RBMS2: variants seen among roughly 807,000 people sequenced by gnomAD.
RBMS2 encodes RNA-binding motif, single-stranded-interacting protein 2.
In RBMS2, 38 loss-of-function variants were observed where a neutral mutation model predicts 58.4. The observed-to-expected ratio is 0.65, with a 90% CI of 0.50 to 0.85. The LOEUF (loss-of-function observed/expected upper bound fraction) is 0.85. Among genes scored for constraint, RBMS2 ranks in the 40% least tolerant of loss-of-function variants. RBMS2 has a pLI of 0.00. For missense variants in RBMS2, 367 were observed against 503.7 expected (o/e 0.73, Z 2.60); for synonymous variants, 151 against 180.7 (o/e 0.84, Z 1.32).
chr12:56,564,764 A>G (rs1409569836), intron 2 of RBMS2, among the ~76,000 whole-genome samples: 1 of 152,314 alleles, frequency 6.6e-6, no homozygotes, highest in African/African-American at 2.4e-5. Context: ...ACCTGAGGTC[A>G]GGAGTTGGAG....
chr12:56,568,533 TTTTTTC>T (rs1881747710), intron 2 of RBMS2, among the ~76,000 whole-genome samples: 2 of 151,252 alleles, frequency 1.3e-5, no homozygotes, highest in South Asian at 4.2e-4. Flanking sequence ...CCCATTTCTT[TTTTTTC>T]TTTTTTTTTT....
At chr12:56,573,304 C>A in intron 5 of RBMS2, 1 of 467,564 alleles carries the variant, frequency 2.1e-6, no homozygotes, top group Non-Finnish European at 2.8e-6. Flanking sequence ...TGGTGAAACC[C>A]CGTCTCTACT....
At chr12:56,576,000 AATAGTT>A (rs1353085949) in intron 5 of RBMS2, among the ~76,000 whole-genome samples, 1 of 152,144 alleles carries the variant, frequency 6.6e-6, no homozygotes, top group South Asian at 2.1e-4. Context: ...AAAGTCCAGA[AATAGTT>A]ACAAAGTTTT....
At chr12:56,540,000 T>TC in intron 1 of RBMS2, among the ~76,000 whole-genome samples, 1 of 152,356 alleles carries the variant, frequency 6.6e-6, no homozygotes, top group African/African-American at 2.4e-5. Flanking sequence ...CTTCTCATCC[T>TC]TGAAGTCTTT....
chr12:56,546,761 AC>A (rs1172756744), intron 1 of RBMS2, among the ~76,000 whole-genome samples: 16 of 152,078 alleles, frequency 1.1e-4, no homozygotes, highest in Middle Eastern at 3.4e-3. Flanking sequence ...GAGCCACCAC[AC>A]CTGGCCCTGT....
At chr12:56,532,270 C>A (rs1325473178) in intron 1 of RBMS2, among the ~76,000 whole-genome samples, 1 of 145,508 alleles carries the variant, frequency 6.9e-6, no homozygotes, top group Admixed American at 6.9e-5. Flanking sequence ...TGGCCAGGTG[C>A]GGTGGCTCAC....
At chr12:56,529,427 T>A (rs181590887) in intron 1 of RBMS2, among the ~76,000 whole-genome samples, 2 of 151,882 alleles carry the variant, frequency 1.3e-5, no homozygotes, top group East Asian at 3.9e-4. Context: ...GGCGTGCTGG[T>A]GTGCAACACA....
chr12:56,539,708 T>G (rs1396890620), intron 1 of RBMS2: 2 of 452,488 alleles, frequency 4.4e-6, no homozygotes, highest in Non-Finnish European at 8.9e-6. Context: ...TCGCTCTTGT[T>G]GCCCAGACTG....
intron 1 of RBMS2, among the ~76,000 whole-genome samples, chr12:56,526,396 A>G (rs1370517682): frequency 1.3e-5 from 2 of 152,118 alleles, no homozygotes; most frequent in Non-Finnish European, 2.9e-5. Flanking sequence ...TTATCAGGAA[A>G]GATGTTTCCT....
chr12:56,549,311 T>A (rs1381705942), intron 1 of RBMS2, among the ~76,000 whole-genome samples: 1 of 152,022 alleles, frequency 6.6e-6, no homozygotes, highest in African/African-American at 2.4e-5. Flanking sequence ...ACAGCTTCTT[T>A]AAAGACAATG....
intron 9 of RBMS2, among the ~76,000 whole-genome samples, chr12:56,585,101 G>C (rs1025672477): frequency 6.6e-6 from 1 of 152,130 alleles, no homozygotes; most frequent in Non-Finnish European, 1.5e-5. Flanking sequence ...GGGATTACAG[G>C]CGTGAGCCAC....
intron 9 of RBMS2, among the ~76,000 whole-genome samples, chr12:56,582,695 G>A (rs771928785): frequency 2.6e-5 from 4 of 152,150 alleles, no homozygotes; most frequent in East Asian, 1.9e-4. Flanking sequence ...TTAAGAGGGC[G>A]TCTCCCTCTG....
chr12:56,532,234 A>T (rs1873878215), intron 1 of RBMS2, among the ~76,000 whole-genome samples: 1 of 146,128 alleles, frequency 6.8e-6, no homozygotes, highest in African/African-American at 2.6e-5. Context: ...TTGTGAACCT[A>T]TGGAGTATAA....
At chr12:56,574,949 T>C (rs1394545469) in intron 5 of RBMS2, among the ~76,000 whole-genome samples, 1 of 150,854 alleles carries the variant, frequency 6.6e-6, no homozygotes, top group East Asian at 2.0e-4. Flanking sequence ...GAGATCGAGA[T>C]CATCCTGGCT....
At chr12:56,546,339 A>ATACATTATAAATATGTACAATATATTG (rs1877192288) in intron 1 of RBMS2, among the ~76,000 whole-genome samples, 2 of 138,042 alleles carry the variant, frequency 1.4e-5, no homozygotes, top group South Asian at 4.6e-4. Context: ...ATACATTATA[A>ATACATTATAAATATGTACAATATATTG]TACATTATAA....
rs558367278 is a variant in RBMS2, at chr12:56,573,990, G to A, written c.542+2135G>A. ...TGAGTAACTGGGATTACAGGCGCCC[G>A]CCACCATGCCCAGCTAATTTTTGTA... On this transcript the variant is annotated intron_variant, in intron 5 of 13. Coordinates refer to ENST00000262031, the MANE Select transcript of RBMS2 (RefSeq NM_002898.4). Among the ~76,000 whole-genome samples the A allele has an allele frequency of 5.9e-4, 89 of 152,038 alleles. 1 individual carries two copies. The highest frequency in any genetic ancestry group is 2.1e-3 in the African/African-American group (88 of 41,476).
chr12:56,578,048 C>T (rs906680189), intron 5 of RBMS2, among the ~76,000 whole-genome samples: 1 of 152,170 alleles, frequency 6.6e-6, no homozygotes, highest in African/African-American at 2.4e-5. Context: ...TGGTCTTGAA[C>T]ACCTGGGCTC....
intron 1 of RBMS2, among the ~76,000 whole-genome samples, chr12:56,522,670 G>A (rs553465898): frequency 5.9e-4 from 90 of 152,282 alleles, no homozygotes; most frequent in African/African-American, 2.1e-3. Context: ...AAGGCACAGA[G>A]CGCTGTGATA....
chr12:56,546,622 C>T lies in RBMS2; in HGVS notation c.67-15795C>T, dbSNP rs551647238. ...TACTGGGATTACAGGCATGAGCCAC[C>T]GTGCCCAGCCTAGTTTTTGTATTTT... On this transcript the variant is annotated intron_variant, in intron 1 of 13. Coordinates refer to ENST00000262031, the MANE Select transcript of RBMS2 (RefSeq NM_002898.4). Among the ~76,000 whole-genome samples the T allele has an allele frequency of 5.9e-5, 9 of 152,010 alleles. No individual in the cohort carries two copies. In the South Asian group the frequency reaches 1.5e-3, roughly 25 times the overall value.
Sources: gnomAD v4.1 joint callset for allele counts (sites outside exome capture counted in the v4.1 genomes callset) on GRCh38, gnomAD v4.1.1 for gene constraint, MANE v1.5 for transcripts, NCBI Gene and HGNC (gene_info 2026-07-23, HGNC 2026-07-21) for gene names.